FCHSD2: variants seen among roughly 807,000 people sequenced by gnomAD.
FCHSD2 encodes F-BAR and double SH3 domains protein 2.
In FCHSD2, 38 loss-of-function variants were observed where a neutral mutation model predicts 108.1. The observed-to-expected ratio is 0.35, with a 90% CI of 0.27 to 0.46. FCHSD2 has a LOEUF of 0.46. FCHSD2 is among the 20% of genes least tolerant of loss of function. FCHSD2 has a pLI of 1.00. For synonymous variants in FCHSD2, 279 were observed against 314.7 expected (o/e 0.89, Z 1.20); for missense variants, 751 against 897.8 (o/e 0.84, Z 2.09).
At chr11:72,919,231 T>C (rs190852823) in intron 9 of FCHSD2, among the ~76,000 whole-genome samples, 52 of 152,296 alleles carry the variant, frequency 3.4e-4, no homozygotes, top group South Asian at 2.7e-3. Flanking sequence ...GCATAAAACT[T>C]GTAGGCCTCT....
chr11:72,936,096 A>G (rs1486618249), intron 8 of FCHSD2, among the ~76,000 whole-genome samples: 4 of 152,194 alleles, frequency 2.6e-5, no homozygotes, highest in African/African-American at 4.8e-5. Flanking sequence ...AGCAACCATC[A>G]CTCTGGGAAG....
At chr11:72,852,884 C>G (rs1008254537) in intron 13 of FCHSD2, among the ~76,000 whole-genome samples, 11 of 152,216 alleles carry the variant, frequency 7.2e-5, no homozygotes, top group African/African-American at 2.6e-4. Context: ...CAAACTAATA[C>G]AGGAAGAGAA....
At chr11:73,038,369 G>T (rs189899316) in intron 3 of FCHSD2, among the ~76,000 whole-genome samples, 1 of 149,046 alleles carries the variant, frequency 6.7e-6, no homozygotes, top group East Asian at 2.0e-4. Flanking sequence ...AAAAGGAAAA[G>T]AAATTCTGAT....
At chr11:73,128,271 T>C (rs1860906511) in intron 2 of FCHSD2, among the ~76,000 whole-genome samples, 1 of 152,106 alleles carries the variant, frequency 6.6e-6, no homozygotes, top group Admixed American at 6.6e-5. Context: ...CCTCATAATC[T>C]AACTCCAATG....
chr11:73,048,605 C>G (rs547822299), intron 3 of FCHSD2, among the ~76,000 whole-genome samples: 1 of 152,146 alleles, frequency 6.6e-6, no homozygotes, highest in African/African-American at 2.4e-5. Flanking sequence ...AAGTAGTTAC[C>G]TGGGGCAAGT....
intron 8 of FCHSD2, among the ~76,000 whole-genome samples, chr11:72,982,369 G>A (rs1315989615): frequency 1.3e-5 from 2 of 152,160 alleles, no homozygotes; most frequent in Non-Finnish European, 2.9e-5. Flanking sequence ...ATTCACAATT[G>A]CTGATTTGTA....
chr11:72,840,370 C>T (rs953491983), intron 19 of FCHSD2, among the ~76,000 whole-genome samples: 3 of 152,144 alleles, frequency 2.0e-5, no homozygotes, highest in African/African-American at 7.2e-5. Context: ...ACTGGATTAC[C>T]GTGCAAGTTA....
Position 72,840,966 on chromosome 11 carries a change from G to A in FCHSD2, c.2057-7C>T, listed in dbSNP as rs765459491. On this transcript the variant is annotated splice_region_variant and splice_polypyrimidine_tract_variant and intron_variant, in intron 18 of 19. Transcript: ENST00000409418. ...TCAGCATGAAGGCTTTTTTCTAAGG[G>A]AGAAAACCAAAGAAGCTCATTTTAC... 3.3e-5 allele frequency: 53 copies of A among 1,607,750 alleles called. 1 individual carries two copies. The East Asian group carries it at 8.0e-4, about 24-fold the overall frequency.
At chr11:72,861,377 C>T (rs1192687272) in intron 13 of FCHSD2, among the ~76,000 whole-genome samples, 1 of 122,060 alleles carries the variant, frequency 8.2e-6, no homozygotes, top group African/African-American at 3.0e-5. Context: ...GAAATGGAGT[C>T]TATTATTTAA....
intron 3 of FCHSD2, among the ~76,000 whole-genome samples, chr11:73,032,658 T>A (rs1321038878): frequency 6.7e-6 from 1 of 149,422 alleles, no homozygotes; most frequent in Non-Finnish European, 1.5e-5. Flanking sequence ...AACAGGAAAG[T>A]ATATGGGAAC....
intron 12 of FCHSD2, among the ~76,000 whole-genome samples, chr11:72,868,321 G>T (rs1040246953): frequency 6.6e-6 from 1 of 152,122 alleles, no homozygotes; most frequent in South Asian, 2.1e-4. Context: ...ACACATGAGT[G>T]GGGGAGAACA....
At chr11:73,036,280 T>C (rs1463951162) in intron 3 of FCHSD2, among the ~76,000 whole-genome samples, 1 of 150,660 alleles carries the variant, frequency 6.6e-6, no homozygotes, top group African/African-American at 2.4e-5. Flanking sequence ...TTTTGAAATG[T>C]GTGAAGGGTA....
At chr11:72,984,687 C>T (rs1420192580) in intron 7 of FCHSD2, among the ~76,000 whole-genome samples, 1 of 152,120 alleles carries the variant, frequency 6.6e-6, no homozygotes, top group African/African-American at 2.4e-5. Context: ...GTGAAGTTTC[C>T]GAAGGAAAAA....
intron 8 of FCHSD2, among the ~76,000 whole-genome samples, chr11:72,971,620 C>A (rs1031646634): frequency 1.3e-5 from 2 of 152,124 alleles, no homozygotes; most frequent in Non-Finnish European, 2.9e-5. Context: ...AGCCTACAGC[C>A]AGCAAGAAAA....
At chr11:72,899,808 A>C (rs1167436519) in intron 10 of FCHSD2, among the ~76,000 whole-genome samples, 1 of 151,278 alleles carries the variant, frequency 6.6e-6, no homozygotes, top group Non-Finnish European at 1.5e-5. Flanking sequence ...AATCATAGGC[A>C]TTTATCTTTT....
rs538509520 is a variant in FCHSD2, at chr11:73,134,992, T to C, written c.119+5039A>G. ...CCCAAGTAGCTAGAGTAGCTAGGAT[T>C]ATAGGTGTGCGCCACCATGCACACC... is the stretch of plus-strand genomic sequence containing the variant. On this transcript the variant is annotated intron_variant, in intron 2 of 19. Transcript: ENST00000409418. Among the ~76,000 whole-genome samples the C allele has an allele frequency of 3.7e-4, 57 of 152,168 alleles. 1 individual carries two copies. The highest frequency in any genetic ancestry group is 1.3e-3 in the African/African-American group (53 of 41,538).
In FCHSD2 at chr11:72,842,831, C is replaced by T. The variant is rs761346030; in HGVS notation, c.1716G>A (p.Val572=). Residue 572 remains valine (V), a synonymous_variant, in exon 17 of 20, where the codon GTG becomes GTA. Transcript: ENST00000409418. ...SLNGDASVCF[V]KALYDYEGQT... ...GGCCCTCATAATCATAAAGTGCTTT[C>T]ACAAAACATACTAGGGAGCAAGAGA... is the stretch of plus-strand genomic sequence containing the variant. 6.2e-7 allele frequency: 1 copy of T among 1,613,576 alleles called. No homozygotes were observed. The highest frequency in any genetic ancestry group is 8.5e-7 in the Non-Finnish European group (1 of 1,179,648).
At chr11:72,900,225 T>TACCAAC in intron 10 of FCHSD2, 3 of 559,576 alleles carry the variant, frequency 5.4e-6, no homozygotes, top group Non-Finnish European at 1.0e-5. Flanking sequence ...ACACTTCCCA[T>TACCAAC]CCCTCCCGCC....
At chr11:72,984,300 T>A in intron 7 of FCHSD2, 84 bp from the exon 8 acceptor site, 1 of 1,283,820 alleles carries the variant, frequency 7.8e-7, no homozygotes, top group Non-Finnish European at 1.1e-6. Flanking sequence ...AGTTTGCAAT[T>A]AATGGCTCCC....
Sources: gnomAD v4.1 joint callset for allele counts (sites outside exome capture counted in the v4.1 genomes callset) on GRCh38, gnomAD v4.1.1 for gene constraint, MANE v1.5 for transcripts, NCBI Gene and HGNC (gene_info 2026-07-23, HGNC 2026-07-21) for gene names.